The following TMEM132B variants were observed in gnomAD, a reference collection of about 807,000 sequenced individuals.
TMEM132B encodes transmembrane protein 132B.
In TMEM132B, 18 loss-of-function variants were observed where a neutral mutation model predicts 90.8. That is an observed-to-expected ratio of 0.20 (90% CI 0.14 to 0.29). The LOEUF (loss-of-function observed/expected upper bound fraction) is 0.29, where lower values mean the gene tolerates loss of function less well. Ranked by LOEUF, TMEM132B falls within the 10% of genes least tolerant of loss-of-function variation. TMEM132B has a pLI of 1.00. For synonymous variants in TMEM132B, 504 were observed against 523.3 expected (o/e 0.96, Z 0.50); for missense variants, 1,096 against 1,326.8 (o/e 0.83, Z 2.70).
intron 1 of TMEM132B, among the ~76,000 whole-genome samples, chr12:125,299,248 A>C (rs1435171309): frequency 6.6e-6 from 1 of 151,862 alleles, no homozygotes; most frequent in Non-Finnish European, 1.5e-5. Context: ...AAGTCACCCC[A>C]CTGTCTCTCC....
intron 1 of TMEM132B, among the ~76,000 whole-genome samples, chr12:125,195,470 C>G (rs1872904212): frequency 7.5e-6 from 1 of 133,900 alleles, no homozygotes; most frequent in Non-Finnish European, 1.5e-5. Context: ...GTGATCTTGG[C>G]TCACTGCAAC....
intron 2 of TMEM132B, among the ~76,000 whole-genome samples, chr12:125,365,496 G>A (rs1004445459): frequency 1.1e-4 from 17 of 151,990 alleles, no homozygotes; most frequent in African/African-American, 3.4e-4. Flanking sequence ...CATTTCTGAT[G>A]TTCTTCATTC....
intron 3 of TMEM132B, among the ~76,000 whole-genome samples, chr12:125,418,032 G>A (rs1056266927): frequency 2.6e-4 from 40 of 152,168 alleles, no homozygotes; most frequent in African/African-American, 9.4e-4. Context: ...TTAGTCTCAT[G>A]CCTCCTGCTG....
intron 3 of TMEM132B, among the ~76,000 whole-genome samples, chr12:125,484,211 C>T (rs976809592): frequency 6.6e-6 from 1 of 152,086 alleles, no homozygotes; most frequent in African/African-American, 2.4e-5. Context: ...ACACCTTACC[C>T]CTCTTGTTGG....
chr12:125,188,304 G>T (rs1415009115), intron 1 of TMEM132B, among the ~76,000 whole-genome samples: 1 of 152,134 alleles, frequency 6.6e-6, no homozygotes, highest in Non-Finnish European at 1.5e-5. Context: ...ATTCCTCTGC[G>T]GTCCACGAGA....
intron 3 of TMEM132B, among the ~76,000 whole-genome samples, chr12:125,444,155 T>A (rs1467822713): frequency 5.3e-5 from 8 of 152,192 alleles, no homozygotes; most frequent in Admixed American, 6.5e-5. Flanking sequence ...TGGCACGACA[T>A]CTCACTTTGT....
chr12:125,592,814 A>G (rs867048590), intron 5 of TMEM132B, among the ~76,000 whole-genome samples: 7 of 152,206 alleles, frequency 4.6e-5, no homozygotes, highest in Admixed American at 1.3e-4. Context: ...ACTGAGCAAC[A>G]TACATGACTA....
intron 6 of TMEM132B, 103 bp downstream of exon 6, chr12:125,644,384 T>A (rs2137030347): frequency 7.7e-7 from 1 of 1,301,112 alleles, no homozygotes; most frequent in Non-Finnish European, 1.1e-6. Context: ...GGAAGCAACA[T>A]CCACAGCGGG....
In TMEM132B at chr12:125,213,204, T is replaced by G. The variant is rs774430160; in HGVS notation, c.67+26338T>G. On this transcript the variant is annotated intron_variant, in intron 1 of 8. Transcript: ENST00000682704. The surrounding 1 kb of genome is among the most constrained non-coding windows in gnomAD (Gnocchi z 4.2). ...CCTTTTGGGTCTGGCTTCTTTCACT[T>G]GCACAGTGGTTTTAAGGTTCATCCA... Among the ~76,000 whole-genome samples, 5 of 152,252 alleles carry G rather than the reference T, an allele frequency of 3.3e-5. No homozygotes were observed. Among genetic ancestry groups the G allele is most frequent in the Non-Finnish European group, 5.9e-5 (4 of 68,034 alleles).
chr12:125,294,898 C>T (rs1212656807), intron 1 of TMEM132B, among the ~76,000 whole-genome samples: 1 of 151,948 alleles, frequency 6.6e-6, no homozygotes, highest in Non-Finnish European at 1.5e-5. Flanking sequence ...AGAAAAAATG[C>T]AGAATGAAAG....
At chr12:125,253,350 GTAA>G (rs1328738801) in intron 1 of TMEM132B, among the ~76,000 whole-genome samples, 1 of 151,882 alleles carries the variant, frequency 6.6e-6, no homozygotes, top group Non-Finnish European at 1.5e-5. Flanking sequence ...TAATGAAACA[GTAA>G]TAATAATAAA....
intron 4 of TMEM132B, among the ~76,000 whole-genome samples, chr12:125,582,271 A>AATTATT (rs3042320): frequency 0.017 from 2,501 of 145,800 alleles, 27 homozygotes; most frequent in Non-Finnish European, 0.019. Flanking sequence ...AAGTTTTAGC[A>AATTATT]ATTATTATTA....
chr12:125,432,251 G>A (rs996631264), intron 3 of TMEM132B, among the ~76,000 whole-genome samples: 5 of 151,050 alleles, frequency 3.3e-5, no homozygotes, highest in South Asian at 2.1e-4. Flanking sequence ...TGCATCTATC[G>A]TTTTATTTTA....
chr12:125,435,418 C>T (rs1291146812), intron 3 of TMEM132B, among the ~76,000 whole-genome samples: 1 of 151,968 alleles, frequency 6.6e-6, no homozygotes, highest in Non-Finnish European at 1.5e-5. Flanking sequence ...GGGGCTGGGA[C>T]GGCCCCCAAG....
intron 4 of TMEM132B, among the ~76,000 whole-genome samples, chr12:125,525,438 C>T (rs1173747319): frequency 6.6e-6 from 1 of 152,200 alleles, no homozygotes; most frequent in Non-Finnish European, 1.5e-5. Flanking sequence ...GGCTTAGGCC[C>T]CTGTGCCTGT....
chr12:125,495,752 C>T (rs750004200), intron 3 of TMEM132B, among the ~76,000 whole-genome samples: 1 of 152,146 alleles, frequency 6.6e-6, no homozygotes, highest in African/African-American at 2.4e-5. Context: ...TGGCACTAAA[C>T]CCCTGCTGAG....
At chr12:125,299,473 C>T (rs1042097491) in intron 1 of TMEM132B, among the ~76,000 whole-genome samples, 1 of 152,212 alleles carries the variant, frequency 6.6e-6, no homozygotes, top group African/African-American at 2.4e-5. Context: ...TGGCTGCCTC[C>T]AGTCTGCGGC....
At chr12:125,474,196 T>C (rs1881808130) in intron 3 of TMEM132B, among the ~76,000 whole-genome samples, 1 of 151,530 alleles carries the variant, frequency 6.6e-6, no homozygotes, top group Admixed American at 6.6e-5. Flanking sequence ...TTTCCTGCCT[T>C]CCTGCCTTCC....
At chr12:125,477,694 G>C (rs1881924292) in intron 3 of TMEM132B, among the ~76,000 whole-genome samples, 1 of 152,130 alleles carries the variant, frequency 6.6e-6, no homozygotes, top group Admixed American at 6.6e-5. Context: ...CTTTTAAAGT[G>C]TAGATAGAAA....
Sources: gnomAD v4.1 joint callset for allele counts (sites outside exome capture counted in the v4.1 genomes callset) on GRCh38, gnomAD v4.1.1 for gene constraint, Gnocchi (gnomAD v3.1) non-coding constraint, MANE v1.5 for transcripts, NCBI Gene and HGNC (gene_info 2026-07-23, HGNC 2026-07-21) for gene names.